Variants in GRIA1 observed in about 807,000 individuals in gnomAD.
GRIA1 encodes glutamate ionotropic receptor AMPA type subunit 1.
A neutral mutation model predicts 99.2 loss-of-function variants in GRIA1; 31 were observed. That is an observed-to-expected ratio of 0.31 (90% CI 0.23 to 0.42). The LOEUF is 0.42. Among genes scored for constraint, GRIA1 ranks in the 10% least tolerant of loss-of-function variants. The pLI, the probability that GRIA1 is intolerant of heterozygous loss-of-function variation, is 1.00. For missense variants in GRIA1, 782 were observed against 1,157.5 expected, an observed-to-expected ratio of 0.68 and a Z score of 4.71; for synonymous variants, 438 against 432.4, an observed-to-expected ratio of 1.01 and a Z score of -0.16.
At chr5:153,598,350 G>A (rs1764600330) in intron 2 of GRIA1, among the ~76,000 whole-genome samples, 1 of 151,950 alleles carries the variant, frequency 6.6e-6, no homozygotes, top group African/African-American at 2.4e-5. Context: ...TTAAATTATG[G>A]GTTGAGTTTA....
intron 13 of GRIA1, among the ~76,000 whole-genome samples, chr5:153,775,098 C>T (rs1308289346): frequency 6.6e-6 from 1 of 152,184 alleles, no homozygotes; most frequent in African/African-American, 2.4e-5. Context: ...GGTAAATCCA[C>T]TAATTATGAT....
rs59233877 is a variant in GRIA1, at chr5:153,607,042, GATATATAT to G, written c.221-39866_221-39859del. Among the ~76,000 whole-genome samples the G allele has an allele frequency of 4.3e-4, 55 of 127,772 alleles. 3 individuals carry two copies. Among genetic ancestry groups the G allele is most frequent in the Admixed American group, 3.8e-3 (48 of 12,792 alleles). The allele number at this position is 127,772 out of a possible 152,430, so 83.8% of individuals were successfully genotyped here. On this transcript the variant is annotated intron_variant, in intron 2 of 15. Transcript: ENST00000285900. ...AGAATGATATAAACATATCACAAAA[GATATATAT>G]ATATATATATATATATATAATCACA... is the stretch of plus-strand genomic sequence containing the variant.
intron 2 of GRIA1, among the ~76,000 whole-genome samples, chr5:153,601,698 C>A (rs1161027145): frequency 6.6e-6 from 1 of 152,212 alleles, no homozygotes; most frequent in Non-Finnish European, 1.5e-5. Flanking sequence ...GATGGGAGAG[C>A]CAGTTTGCAA....
At chr5:153,618,506 G>A (rs1010225967) in intron 2 of GRIA1, among the ~76,000 whole-genome samples, 2 of 152,078 alleles carry the variant, frequency 1.3e-5, no homozygotes, top group African/African-American at 4.8e-5. Flanking sequence ...TAGACTGGAG[G>A]AGTGGGCAAT....
At chr5:153,543,401 C>G (rs1759317531) in intron 2 of GRIA1, among the ~76,000 whole-genome samples, 1 of 152,192 alleles carries the variant, frequency 6.6e-6, no homozygotes, top group Non-Finnish European at 1.5e-5. Flanking sequence ...ATCCTTTTGA[C>G]TTCTTTTAGA....
Position 153,674,029 on chromosome 5 carries a change from T to C in GRIA1, c.700-471T>C, listed in dbSNP as rs953421435. On this transcript the variant is annotated intron_variant, in intron 5 of 15. Transcript: ENST00000285900. ...CCCAGTGAAATTCAGATTCCTCTTC[T>C]CTCAAAATGGTTGGGTATTGGGATG... is the stretch of plus-strand genomic sequence containing the variant. Among the ~76,000 whole-genome samples, 6 of 152,224 alleles carry C rather than the reference T, an allele frequency of 3.9e-5. No individual in the cohort carries two copies. The East Asian group carries it at 1.2e-3, about 29-fold the overall frequency.
intron 13 of GRIA1, among the ~76,000 whole-genome samples, chr5:153,780,596 C>G (rs1764568474): frequency 6.6e-6 from 1 of 152,182 alleles, no homozygotes; most frequent in Non-Finnish European, 1.5e-5. Flanking sequence ...AAATGACTGA[C>G]AAGTGTTAAT....
intron 15 of GRIA1, among the ~76,000 whole-genome samples, chr5:153,807,345 G>C (rs982292896): frequency 2.6e-5 from 4 of 152,180 alleles, no homozygotes; most frequent in Non-Finnish European, 5.9e-5. Context: ...GGGGAAGACA[G>C]AACATAAGCA....
At chr5:153,693,830 A>G (rs966329964) in intron 8 of GRIA1, among the ~76,000 whole-genome samples, 1 of 152,246 alleles carries the variant, frequency 6.6e-6, no homozygotes, top group African/African-American at 2.4e-5. Context: ...AAAGTGCTGT[A>G]TTATAATCCA....
intron 11 of GRIA1, among the ~76,000 whole-genome samples, chr5:153,717,230 T>TA (rs140887452): frequency 0.056 from 8,584 of 152,200 alleles, 306 homozygotes; most frequent in Non-Finnish European, 0.075. Flanking sequence ...GAATCAGTGC[T>TA]AGAGTTCTTC....
chr5:153,566,714 G>GTATTT lies in GRIA1; in HGVS notation c.220+72650_220+72651insATTTT, dbSNP rs1255385915. ...TATCAGATATACATTTGCAAATATT[G>GTATTT]TCTTTTTTTTTTTTTTTTTGAGACG... On this transcript the variant is annotated intron_variant, in intron 2 of 15. Coordinates refer to ENST00000285900, the MANE Select transcript of GRIA1 (RefSeq NM_000827.4). 7.1e-5 allele frequency among the ~76,000 whole-genome samples: 6 copies of GTATTT among 84,488 alleles called. No homozygotes were observed. In the East Asian group the frequency reaches 2.6e-3, roughly 37 times the overall value. The allele number at this position is 84,488 out of a possible 152,430, so 55.4% of individuals were successfully genotyped here.
At chr5:153,584,656 C>A (rs1274072156) in intron 2 of GRIA1, among the ~76,000 whole-genome samples, 1 of 152,210 alleles carries the variant, frequency 6.6e-6, no homozygotes, top group Admixed American at 6.5e-5. Context: ...ATTTTTCTCT[C>A]TCTCCTTTAT....
chr5:153,692,440 C>A (rs1270588386), intron 8 of GRIA1, among the ~76,000 whole-genome samples: 14 of 152,132 alleles, frequency 9.2e-5, no homozygotes, highest in Admixed American at 9.2e-4. Flanking sequence ...CAAAAGAAGA[C>A]CATTTTGTGA....
intron 2 of GRIA1, among the ~76,000 whole-genome samples, chr5:153,622,088 G>A (rs1767104701): frequency 6.6e-6 from 1 of 152,182 alleles, no homozygotes; most frequent in Admixed American, 6.5e-5. Context: ...AGCACCAGCA[G>A]CGTGAGCATC....
chr5:153,564,773 A>G (rs1761470542), intron 2 of GRIA1, among the ~76,000 whole-genome samples: 1 of 152,174 alleles, frequency 6.6e-6, no homozygotes, highest in Non-Finnish European at 1.5e-5. Context: ...AAGAATTCCA[A>G]AGGTTGCCAT....
intron 2 of GRIA1, among the ~76,000 whole-genome samples, chr5:153,629,842 T>A (rs983756208): frequency 8.5e-5 from 13 of 152,380 alleles, no homozygotes; most frequent in African/African-American, 3.1e-4. Flanking sequence ...CATAAGTGTG[T>A]CTTTCATCGC....
intron 11 of GRIA1, among the ~76,000 whole-genome samples, chr5:153,719,039 T>C (rs1759858244): frequency 6.6e-6 from 1 of 152,210 alleles, no homozygotes; most frequent in Admixed American, 6.5e-5. Context: ...CACAAGTCCG[T>C]TCCTGCTCTC....
intron 8 of GRIA1, among the ~76,000 whole-genome samples, chr5:153,694,719 G>A (rs1320762499): frequency 1.3e-5 from 2 of 152,208 alleles, no homozygotes; most frequent in Admixed American, 1.3e-4. Context: ...TGAGGCCAGA[G>A]ACCAAGATCT....
At chr5:153,795,650 G>A in intron 14 of GRIA1, 1 of 978,210 alleles carries the variant, frequency 1.0e-6, no homozygotes, top group Non-Finnish European at 1.6e-6. Flanking sequence ...GTGTTGAACA[G>A]TGTCCTCCGA....
Sources: gnomAD v4.1 joint callset for allele counts (sites outside exome capture counted in the v4.1 genomes callset) on GRCh38, gnomAD v4.1.1 for gene constraint, MANE v1.5 for transcripts, NCBI Gene and HGNC (gene_info 2026-07-23, HGNC 2026-07-21) for gene names.